The following MEMO1 variants were observed in gnomAD, a reference collection of about 807,000 sequenced individuals.
The protein encoded by MEMO1 is mediator of cell motility 1.
In MEMO1, 6 loss-of-function variants were observed where a neutral mutation model predicts 45.2. The ratio of observed to expected loss-of-function variants is 0.13; its 90% confidence interval spans 0.07 to 0.26. The LOEUF is 0.26. Ranked by LOEUF, MEMO1 falls within the 10% of genes least tolerant of loss-of-function variation. The probability of loss-of-function intolerance (pLI) is 1.00; values close to 1 mark genes in which losing one functional copy is unlikely to be tolerated. For synonymous variants in MEMO1, 78 were observed against 124.3 expected, an observed-to-expected ratio of 0.63 and a Z score of 2.48; for missense variants, 184 against 370.5, an observed-to-expected ratio of 0.50 and a Z score of 4.13.
chr2:31,886,052 G>C (rs1480671252), intron 7 of MEMO1, among the ~76,000 whole-genome samples: 1 of 152,190 alleles, frequency 6.6e-6, no homozygotes, highest in African/African-American at 2.4e-5. Flanking sequence ...TACTGGATCG[G>C]CATGGGATTT....
At chr2:31,932,212 A>C in intron 3 of MEMO1, 77 bp from the exon 4 acceptor site, 1 of 1,206,442 alleles carries the variant, frequency 8.3e-7, no homozygotes, top group Non-Finnish European at 1.2e-6. Context: ...CCTTGAAATA[A>C]ATACAGTACC....
chr2:31,973,038 T>A (rs1025019062), intron 2 of MEMO1, among the ~76,000 whole-genome samples: 11 of 152,208 alleles, frequency 7.2e-5, no homozygotes, highest in African/African-American at 2.4e-4. Context: ...AGAATCCTCA[T>A]ATATTGCTGG....
intron 6 of MEMO1, among the ~76,000 whole-genome samples, chr2:31,915,265 G>T (rs185310768): frequency 6.6e-6 from 1 of 152,276 alleles, no homozygotes; most frequent in African/African-American, 2.4e-5. Flanking sequence ...AACATCCTGG[G>T]AGGGCTGGGT....
intron 3 of MEMO1, among the ~76,000 whole-genome samples, chr2:31,941,032 AGC>A (rs1234335101): frequency 6.6e-6 from 1 of 152,216 alleles, no homozygotes; most frequent in Non-Finnish European, 1.5e-5. Context: ...TCCATACAGC[AGC>A]AAGAGTAATT....
chr2:31,974,244 C>T (rs776606153), intron 2 of MEMO1, among the ~76,000 whole-genome samples: 2 of 152,122 alleles, frequency 1.3e-5, no homozygotes, highest in Non-Finnish European at 2.9e-5. Flanking sequence ...CAATTTATGA[C>T]ATCATTTGCA....
intron 2 of MEMO1, among the ~76,000 whole-genome samples, chr2:31,994,330 A>G (rs1672307587): frequency 6.6e-6 from 1 of 151,840 alleles, no homozygotes; most frequent in South Asian, 2.1e-4. Context: ...TCTGGCATCC[A>G]ATAAAAATTA....
chr2:32,007,369 A>C (rs987818999), intron 2 of MEMO1, among the ~76,000 whole-genome samples: 21 of 152,154 alleles, frequency 1.4e-4, no homozygotes, highest in African/African-American at 5.1e-4. Flanking sequence ...GCACATCTCA[A>C]CTTACTTGAT....
At chr2:31,907,381 A>G (rs1679909686) in intron 6 of MEMO1, among the ~76,000 whole-genome samples, 1 of 152,228 alleles carries the variant, frequency 6.6e-6, no homozygotes, top group South Asian at 2.1e-4. Context: ...ATCCTTAAAC[A>G]TAGATTAGTA....
chr2:31,912,400 C>T (rs1315943817), intron 6 of MEMO1, among the ~76,000 whole-genome samples: 1 of 151,654 alleles, frequency 6.6e-6, no homozygotes, highest in African/African-American at 2.4e-5. Flanking sequence ...GTAATCCCAG[C>T]CACTCAGGAG....
At chr2:31,893,418 A>C in intron 6 of MEMO1, 1 of 1,007,518 alleles carries the variant, frequency 9.9e-7, no homozygotes, top group Non-Finnish European at 1.2e-6. Flanking sequence ...TCCCTGACTG[A>C]ATAGGGGCTC....
intron 6 of MEMO1, among the ~76,000 whole-genome samples, chr2:31,915,941 T>A (rs758260381): frequency 1.3e-5 from 2 of 152,126 alleles, no homozygotes; most frequent in African/African-American, 2.4e-5. Flanking sequence ...TACTTAGTAA[T>A]AAATAACTGA....
intron 4 of MEMO1, among the ~76,000 whole-genome samples, chr2:31,928,478 C>T (rs1683446775): frequency 1.4e-5 from 2 of 147,806 alleles, no homozygotes; most frequent in South Asian, 4.3e-4. Flanking sequence ...ACTCAGGAGG[C>T]GGAGGTTGCA....
chr2:31,946,426 T>C lies in MEMO1; in HGVS notation c.62-3043A>G, dbSNP rs564011944. 2.0e-5 allele frequency among the ~76,000 whole-genome samples: 3 copies of C among 152,324 alleles called. No individual in the cohort carries two copies. In the South Asian group the frequency reaches 6.2e-4, roughly 32 times the overall value. On this transcript the variant is annotated intron_variant, in intron 2 of 9. Transcript: ENST00000404530. ...CTCAGTGATTAAACAATGGTGTTCATCTTAAAATTTGAATTTAAGAACAGT... is the reference window on the plus strand; with the variant it reads ...CTCAGTGATTAAACAATGGTGTTCACCTTAAAATTTGAATTTAAGAACAGT...
intron 8 of MEMO1, among the ~76,000 whole-genome samples, chr2:31,878,096 T>C (rs1489916952): frequency 4.6e-5 from 7 of 152,072 alleles, no homozygotes; most frequent in Non-Finnish European, 1.0e-4. Context: ...CAAAATTAAA[T>C]AGAGTAGTCA....
intron 4 of MEMO1, among the ~76,000 whole-genome samples, chr2:31,925,273 C>A (rs1023325818): frequency 1.3e-5 from 2 of 151,876 alleles, no homozygotes; most frequent in African/African-American, 2.4e-5. Flanking sequence ...GTCAGGAGAT[C>A]GAGACCATCT....
chr2:31,870,000 CAA>C, intron 8 of MEMO1, 48 bp from the exon 9 acceptor site: 1 of 1,279,848 alleles, frequency 7.8e-7, no homozygotes, highest in Non-Finnish European at 1.0e-6. Flanking sequence ...AAGAAGAAGA[CAA>C]TATTTATTAT....
intron 6 of MEMO1, among the ~76,000 whole-genome samples, chr2:31,899,606 T>C (rs1678458157): frequency 6.6e-6 from 1 of 152,198 alleles, no homozygotes; most frequent in Non-Finnish European, 1.5e-5. Context: ...GGCTATACCA[T>C]TCAGGACATA....
At chr2:31,966,409 G>C (rs1017250811) in intron 2 of MEMO1, among the ~76,000 whole-genome samples, 1 of 152,166 alleles carries the variant, frequency 6.6e-6, no homozygotes, top group South Asian at 2.1e-4. Context: ...TAGTAAGTAT[G>C]AACTGTCTTT....
At position 31,978,131 on chromosome 2, in the gene MEMO1, A is replaced by G. The variant is rs554724713; in HGVS notation, c.61+32056T>C. Among the ~76,000 whole-genome samples, 5 of 152,300 alleles carry G rather than the reference A, an allele frequency of 3.3e-5. No homozygotes were observed. The East Asian group carries it at 9.6e-4, about 29-fold the overall frequency. Reference sequence around the variant, plus strand: ...GCCAGGCACGGTGGCTCACACCTGTAATCCCAGCACTGTGGTAAGTCAAGG... The same window carrying G: ...GCCAGGCACGGTGGCTCACACCTGTGATCCCAGCACTGTGGTAAGTCAAGG... On this transcript the variant is annotated intron_variant, in intron 2 of 9. Transcript: ENST00000404530.
Sources: allele counts gnomAD v4.1 joint callset (sites outside exome capture counted in the v4.1 genomes callset), GRCh38; gene constraint gnomAD v4.1.1; transcripts MANE v1.5; gene names NCBI Gene and HGNC (gene_info 2026-07-23, HGNC 2026-07-21).